LCOR: variants seen among roughly 807,000 people sequenced by gnomAD.
The protein encoded by LCOR is ligand dependent nuclear receptor corepressor.
A neutral mutation model predicts 64.4 loss-of-function variants in LCOR; 14 were observed. The observed-to-expected ratio is 0.22, with a 90% CI of 0.14 to 0.34. LCOR has a LOEUF of 0.34. LCOR is among the 10% of genes least tolerant of loss of function. LCOR has a pLI of 1.00. For missense variants in LCOR, 1,686 were observed against 1,765.3 expected, an observed-to-expected ratio of 0.96 and a Z score of 0.80; for synonymous variants, 643 against 642.5, an observed-to-expected ratio of 1.00 and a Z score of -0.01.
At chr10:96,938,865 G>A (rs1479335340) in intron 4 of LCOR, among the ~76,000 whole-genome samples, 1 of 152,122 alleles carries the variant, frequency 6.6e-6, no homozygotes, top group Non-Finnish European at 1.5e-5. Context: ...AAATGTTACT[G>A]AAAGAAATTA....
In LCOR at chr10:96,983,032, AAAG is replaced by A. The variant is rs753693005; in HGVS notation, c.2576_2578del (p.Glu859del). The A allele has an allele frequency of 8.7e-6, 14 of 1,613,814 alleles. No homozygotes were observed. The highest frequency in any genetic ancestry group is 5.3e-5 in the African/African-American group (4 of 74,874). ...AAATCCTAGTGCAAAACGTTCAAAA[AAAG>A]AAGGGCACCCTGGTGGGACAACACC... On this transcript the variant is annotated inframe_deletion, in exon 8 of 8. Transcript: ENST00000421806. This position sits in a 1 kb window ranked among gnomAD's most constrained non-coding sequence, Gnocchi z 4.5.
intron 2 of LCOR, among the ~76,000 whole-genome samples, chr10:96,849,337 T>C (rs1845688071): frequency 6.6e-6 from 1 of 152,052 alleles, no homozygotes; most frequent in South Asian, 2.1e-4. Flanking sequence ...CTTCCCAAAA[T>C]GCTGGGATTA....
At chr10:96,941,768 T>G in intron 4 of LCOR, among the ~76,000 whole-genome samples, 4 of 126,652 alleles carry the variant, frequency 3.2e-5, no homozygotes, top group African/African-American at 6.0e-5. Context: ...CAGACAGGGT[T>G]GCGGCCCAGC....
rs116064079 is a variant in LCOR at position 96,927,800 on chromosome 10, C to T, written c.-183-16313C>T. ...TTGGTATATTTCTGGACCCTACAGA[C>T]ATACCTGAGAGATAATGTGGATTGG... On this transcript the variant is annotated intron_variant, in intron 4 of 7. Transcript: ENST00000421806. Among the ~76,000 whole-genome samples the T allele has an allele frequency of 3.5e-3, 539 of 152,284 alleles. 3 individuals carry two copies. Among genetic ancestry groups the T allele is most frequent in the African/African-American group, 0.012 (497 of 41,562 alleles).
At chr10:96,889,140 A>G (rs1846396554) in intron 2 of LCOR, among the ~76,000 whole-genome samples, 1 of 152,200 alleles carries the variant, frequency 6.6e-6, no homozygotes, top group South Asian at 2.1e-4. Flanking sequence ...GACCATACCT[A>G]TTACATAGTC....
At chr10:96,875,212 G>A (rs951517127) in intron 2 of LCOR, among the ~76,000 whole-genome samples, 4 of 151,768 alleles carry the variant, frequency 2.6e-5, no homozygotes, top group Non-Finnish European at 4.4e-5. Flanking sequence ...GTGAAACCCC[G>A]TCTCTACTAA....
In LCOR at chr10:96,868,526, G is replaced by A. The variant is rs370443998; in HGVS notation, c.-330+35047G>A. On this transcript the variant is annotated intron_variant, in intron 2 of 7. Coordinates refer to ENST00000421806, the MANE Select transcript of LCOR (RefSeq NM_001346516.2). ...CCTGAACTCGTGATGCACCTGCCTC[G>A]GCCTCCGAAAGTGCTGGGATTACAG... Among the ~76,000 whole-genome samples, 7 of 151,636 alleles carry A rather than the reference G, an allele frequency of 4.6e-5. No individual in the cohort carries two copies. The East Asian group carries it at 5.8e-4, about 13-fold the overall frequency.
rs534364856 is a variant in LCOR, at chr10:96,988,741, T to C, written c.*3607T>C. On this transcript the variant is annotated 3_prime_UTR_variant, in exon 8 of 8. Transcript: ENST00000421806. ...CAAGCTGGAGATGCTGTAGTGTTAC[T>C]ATCAGCAAGTTCTGTGCAGACTGCC... 2.0e-5 allele frequency: 3 copies of C among 152,386 alleles called. No homozygotes were observed. The highest frequency in any genetic ancestry group is 6.5e-5 in the Admixed American group (1 of 15,306). The allele number at this position is 152,386 out of a possible 1,614,324, so 9.4% of individuals were successfully genotyped here.
At chr10:96,939,924 C>T (rs1564632070) in intron 4 of LCOR, among the ~76,000 whole-genome samples, 1 of 152,228 alleles carries the variant, frequency 6.6e-6, no homozygotes, top group Non-Finnish European at 1.5e-5. Context: ...GACCATGCCA[C>T]TGCGCTCCAG....
rs757902954 is a variant in LCOR, at chr10:96,982,355, G to C, written c.1895G>C (p.Gly632Ala). The C allele has an allele frequency of 1.2e-6, 2 of 1,614,098 alleles. No individual in the cohort carries two copies. Among genetic ancestry groups the C allele is most frequent in the African/African-American group, 2.7e-5 (2 of 74,928 alleles). Residue 632 changes from glycine to alanine, a missense_variant, in exon 8 of 8, where the codon GGT becomes GCT. By Grantham distance (60) the Gly-to-Ala change is moderately conservative. This residue lies in a region of LCOR where 1,293 missense variants were observed against 1,410.4 expected (regional missense o/e 0.92). Coordinates refer to ENST00000421806, the MANE Select transcript of LCOR (RefSeq NM_001346516.2). The stretch of plus-strand genomic sequence containing the variant: ...CTTCCTGAAGAGGACCTGCCAGAAG[G>C]TGGCTCCACAGTCTCAGCTCCCACA... Reference protein sequence around the residue: ...AHLPEEDLPEGGSTVSAPTAS... With the variant: ...AHLPEEDLPEAGSTVSAPTAS...
intron 1 of LCOR, chr10:96,833,103 C>T (rs910409041): frequency 5.1e-6 from 5 of 985,658 alleles, no homozygotes; most frequent in African/African-American, 1.7e-5. Flanking sequence ...GGAGTTAATC[C>T]TCGACGCACG....
Position 96,832,315 on chromosome 10 carries a change from T to G in LCOR, c.-488T>G, listed in dbSNP as rs1845348052. 2.0e-6 allele frequency: 2 copies of G among 982,610 alleles called. No individual in the cohort carries two copies. Among genetic ancestry groups the G allele is most frequent in the African/African-American group, 1.8e-5 (1 of 56,876 alleles). 60.9% of individuals were successfully genotyped at this position (982,610 alleles called of 1,614,324 possible). ...CGGGCGGCAGAAGATGGCGAGGGTG[T>G]GTAGGCGGCAGCAATGCTCCGTTGA... On this transcript the variant is annotated 5_prime_UTR_variant, in exon 1 of 8. Transcript: ENST00000421806.
intron 7 of LCOR, among the ~76,000 whole-genome samples, chr10:96,975,307 C>T (rs868039696): frequency 9.2e-5 from 14 of 152,076 alleles, no homozygotes; most frequent in African/African-American, 3.4e-4. Context: ...TATAACAGGG[C>T]CTTTTAATGA....
chr10:96,875,895 C>T (rs997385710), intron 2 of LCOR, among the ~76,000 whole-genome samples: 4 of 151,820 alleles, frequency 2.6e-5, no homozygotes, highest in Admixed American at 6.6e-5. Flanking sequence ...CACACATGGT[C>T]CACTGGTAGG....
intron 2 of LCOR, among the ~76,000 whole-genome samples, chr10:96,863,238 C>G (rs1845918850): frequency 7.6e-6 from 1 of 132,026 alleles, no homozygotes; most frequent in Non-Finnish European, 1.6e-5. Context: ...GAGTCTCACT[C>G]TGTTGCTCAG....
At chr10:96,840,616 A>T (rs1452384570) in intron 2 of LCOR, among the ~76,000 whole-genome samples, 2 of 152,190 alleles carry the variant, frequency 1.3e-5, no homozygotes, top group Admixed American at 6.5e-5. Context: ...TATATTTTTT[A>T]AAATTTAGAT....
chr10:96,837,150 T>C (rs750704249), intron 2 of LCOR, among the ~76,000 whole-genome samples: 11 of 151,452 alleles, frequency 7.3e-5, no homozygotes, highest in South Asian at 6.3e-4. Flanking sequence ...GCCACCACGC[T>C]CGGCTAATTT....
At chr10:96,924,706 C>A (rs1341340888) in intron 4 of LCOR, among the ~76,000 whole-genome samples, 1 of 151,954 alleles carries the variant, frequency 6.6e-6, no homozygotes, top group Admixed American at 6.6e-5. Context: ...TTACTACTTA[C>A]AACGCAGGCA....
At chr10:96,843,085 T>C (rs1033597876) in intron 2 of LCOR, among the ~76,000 whole-genome samples, 4 of 152,242 alleles carry the variant, frequency 2.6e-5, no homozygotes, top group Non-Finnish European at 5.9e-5. Flanking sequence ...TTGTGAACTT[T>C]TACCTGGCTA....
Sources: allele counts gnomAD v4.1 joint callset (sites outside exome capture counted in the v4.1 genomes callset), GRCh38; gene constraint gnomAD v4.1.1; regional missense constraint gnomAD v4.1.1; non-coding constraint Gnocchi (gnomAD v3.1); transcripts MANE v1.5; gene names NCBI Gene and HGNC (gene_info 2026-07-23, HGNC 2026-07-21).